The following PREX1 variants were observed in gnomAD, a reference collection of about 807,000 sequenced individuals.
PREX1 encodes phosphatidylinositol-3,4,5-trisphosphate dependent Rac exchange factor 1, also known as phosphatidylinositol 3,4,5-trisphosphate-dependent Rac exchanger 1 protein.
In PREX1, 41 loss-of-function variants were observed where a neutral mutation model predicts 198.3. The observed-to-expected ratio is 0.21, with a 90% CI of 0.16 to 0.27. The LOEUF is 0.27. Among genes scored for constraint, PREX1 ranks in the 10% least tolerant of loss-of-function variants. The pLI is 1.00. For synonymous variants in PREX1, 843 were observed against 887.2 expected (o/e 0.95, Z 0.89); for missense variants, 1,620 against 2,200.7 (o/e 0.74, Z 5.28).
chr20:48,756,137 G>A (rs575543187), intron 1 of PREX1, among the ~76,000 whole-genome samples: 4 of 152,292 alleles, frequency 2.6e-5, no homozygotes, highest in East Asian at 1.9e-4. Flanking sequence ...CTGAGCTGCC[G>A]ACCAGCCCTC....
At chr20:48,797,952 G>T (rs548116784) in intron 1 of PREX1, among the ~76,000 whole-genome samples, 1 of 152,198 alleles carries the variant, frequency 6.6e-6, no homozygotes, top group African/African-American at 2.4e-5. Context: ...CATTCAAGGG[G>T]GTGCCCAAAG....
Position 48,624,960 on chromosome 20 carries a change from C to T in PREX1, c.*925G>A, listed in dbSNP as rs909418721. On this transcript the variant is annotated 3_prime_UTR_variant, in exon 40 of 40. Coordinates refer to ENST00000371941, the MANE Select transcript of PREX1 (RefSeq NM_020820.4). ...GAATGGAGGGTGGGGGAAGGAATCACAGTCGATACCTCAAAACGACACCTT... is the reference window on the plus strand; with the variant it reads ...GAATGGAGGGTGGGGGAAGGAATCATAGTCGATACCTCAAAACGACACCTT... 2 of 152,460 alleles carry T rather than the reference C, an allele frequency of 1.3e-5. No individual in the cohort carries two copies. Among genetic ancestry groups the T allele is most frequent in the Non-Finnish European group, 2.9e-5 (2 of 68,042 alleles). 9.4% of individuals were successfully genotyped at this position (152,460 alleles called of 1,614,324 possible). A position where few individuals can be genotyped will look rare whatever the true frequency, so the allele number is the denominator to read the frequency against.
At chr20:48,738,404 C>T (rs2090066251) in intron 3 of PREX1, among the ~76,000 whole-genome samples, 1 of 152,208 alleles carries the variant, frequency 6.6e-6, no homozygotes, top group Non-Finnish European at 1.5e-5. Context: ...ACGCTTGAGG[C>T]TTGGAGAAGT....
At position 48,649,524 on chromosome 20, in the gene PREX1, A is replaced by C. The variant is rs1293343077; in HGVS notation, c.3081T>G (p.Ala1027=). The change falls in exon 25 of 40, where the codon GCT becomes GCG. Residue 1027 remains alanine (A), a synonymous_variant. Transcript: ENST00000371941. ...CAGCAGGCAAGCACTTCCAGGAGGGAGCAGCCATGGTGGTGATGCAGTGCT... is the reference window on the plus strand; with the variant it reads ...CAGCAGGCAAGCACTTCCAGGAGGGCGCAGCCATGGTGGTGATGCAGTGCT... ...YTQHCITTMA[A]PSWKCLPAAE... 6.2e-7 allele frequency: 1 copy of C among 1,613,006 alleles called. No individual in the cohort carries two copies. Among genetic ancestry groups the C allele is most frequent in the Non-Finnish European group, 8.5e-7 (1 of 1,179,564 alleles).
chr20:48,852,756 A>G, the PREX1 span, among the ~76,000 whole-genome samples: 21 of 152,376 alleles, frequency 1.4e-4, no homozygotes, highest in Non-Finnish European at 2.4e-4. Flanking sequence ...TATGGGAAAT[A>G]ACCTAATTGT....
intron 2 of PREX1, 140 bp downstream of exon 2, chr20:48,747,669 G>A (rs2090115145): frequency 1.1e-6 from 1 of 907,400 alleles, no homozygotes; most frequent in African/African-American, 1.6e-5. Flanking sequence ...AGCAAGCTGG[G>A]GCAGGGCAAA....
At chr20:48,805,870 A>G (rs1426292690) in intron 1 of PREX1, among the ~76,000 whole-genome samples, 1 of 152,140 alleles carries the variant, frequency 6.6e-6, no homozygotes, top group Non-Finnish European at 1.5e-5. Context: ...CCAAGCTTCA[A>G]TGTCCCCACC....
intron 14 of PREX1, among the ~76,000 whole-genome samples, chr20:48,667,310 T>G (rs116599250): frequency 6.6e-6 from 1 of 152,160 alleles, no homozygotes; most frequent in Non-Finnish European, 1.5e-5. Context: ...CTTCCATAAT[T>G]GTGTCTCTAA....
At chr20:48,848,668 C>CA in the PREX1 span, among the ~76,000 whole-genome samples, 1 of 152,218 alleles carries the variant, frequency 6.6e-6, no homozygotes. Context: ...TAACTACCAT[C>CA]AGCAGTTTGG....
intron 1 of PREX1, among the ~76,000 whole-genome samples, chr20:48,819,029 C>A (rs2090471323): frequency 6.6e-6 from 1 of 152,198 alleles, no homozygotes; most frequent in Non-Finnish European, 1.5e-5. Flanking sequence ...CACAGAGCAG[C>A]CTGGGAGCAG....
chr20:48,879,830 T>C, the PREX1 span, among the ~76,000 whole-genome samples: 2 of 152,260 alleles, frequency 1.3e-5, no homozygotes, highest in Non-Finnish European at 2.9e-5. Context: ...CCTGTTACTT[T>C]ACAGAGCCTC....
At chr20:48,832,686 T>A (rs2090539725), upstream of PREX1, among the ~76,000 whole-genome samples, 1 of 152,160 alleles carries the variant, frequency 6.6e-6, no homozygotes, top group Non-Finnish European at 1.5e-5. Flanking sequence ...CACCAAAATA[T>A]AATCGTCTTC....
chr20:48,796,333 A>T (rs2090362186), intron 1 of PREX1, among the ~76,000 whole-genome samples: 1 of 151,994 alleles, frequency 6.6e-6, no homozygotes. Context: ...ACCTCCATTC[A>T]ACAGAATTCT....
At chr20:48,695,433 A>C (rs1364407132) in intron 7 of PREX1, among the ~76,000 whole-genome samples, 1 of 152,192 alleles carries the variant, frequency 6.6e-6, no homozygotes, top group Non-Finnish European at 1.5e-5. Flanking sequence ...TGGGTTAGAT[A>C]CCTGAGGAGC....
intron 5 of PREX1, among the ~76,000 whole-genome samples, chr20:48,713,799 TG>T (rs1447954802): frequency 2.1e-5 from 3 of 145,654 alleles, no homozygotes; most frequent in African/African-American, 7.6e-5. Flanking sequence ...CAAACCACCA[TG>T]GCACATGTAG....
At chr20:48,746,140 C>T (rs1025796731) in intron 2 of PREX1, among the ~76,000 whole-genome samples, 4 of 152,202 alleles carry the variant, frequency 2.6e-5, no homozygotes, top group African/African-American at 9.7e-5. Context: ...CCTGCCTCAG[C>T]CTCCCGAGTA....
the PREX1 span, among the ~76,000 whole-genome samples, chr20:48,884,685 AC>A: frequency 6.6e-6 from 1 of 152,272 alleles, no homozygotes; most frequent in Non-Finnish European, 1.5e-5. Context: ...TCAGAATTAA[AC>A]ACTTGTGTTT....
At chr20:48,675,585 G>A (rs1415007252) in intron 14 of PREX1, among the ~76,000 whole-genome samples, 1 of 152,212 alleles carries the variant, frequency 6.6e-6, no homozygotes, top group Non-Finnish European at 1.5e-5. Flanking sequence ...CATAGAGACA[G>A]AAAGTAGAAT....
chr20:48,693,970 G>C (rs1283112567), intron 7 of PREX1, among the ~76,000 whole-genome samples: 1 of 151,716 alleles, frequency 6.6e-6, no homozygotes, highest in Non-Finnish European at 1.5e-5. Context: ...GGAGTACAGT[G>C]GCACAATCTC....
Sources: gnomAD v4.1 joint callset for allele counts (sites outside exome capture counted in the v4.1 genomes callset) on GRCh38, gnomAD v4.1.1 for gene constraint, MANE v1.5 for transcripts, NCBI Gene and HGNC (gene_info 2026-07-23, HGNC 2026-07-21) for gene names.